The following GNB5 variants were observed in gnomAD, a reference collection of about 807,000 sequenced individuals.
GNB5 encodes the protein G protein subunit beta 5.
Under a neutral mutation model 55.3 loss-of-function variants are expected in GNB5, and 37 were observed. That is an observed-to-expected ratio of 0.67 (90% CI 0.51 to 0.88). GNB5 has a LOEUF of 0.88. Among genes scored for constraint, GNB5 ranks in the 40% least tolerant of loss-of-function variants. The pLI is 0.00. For synonymous variants in GNB5, 219 were observed against 198.5 expected (o/e 1.10, Z -0.87); for missense variants, 476 against 515.3 (o/e 0.92, Z 0.74).
intron 3 of GNB5, among the ~76,000 whole-genome samples, chr15:52,176,955 G>GCCTC (rs1856903365): frequency 6.6e-6 from 1 of 150,636 alleles, no homozygotes; most frequent in Non-Finnish European, 1.5e-5. Flanking sequence ...AGACACACCT[G>GCCTC]CCTCCTCACT....
chr15:52,123,940 C>T (rs1892393350), intron 12 of GNB5, among the ~76,000 whole-genome samples: 1 of 138,778 alleles, frequency 7.2e-6, no homozygotes, highest in South Asian at 2.3e-4. Context: ...GGACAAAAGG[C>T]ATACACCCCA....
At position 52,168,255 on chromosome 15, in the gene GNB5, C is replaced by T. The variant is rs902074606; in HGVS notation, c.238+11513G>A. 1.6e-4 allele frequency among the ~76,000 whole-genome samples: 24 copies of T among 152,298 alleles called. No homozygotes were observed. In the East Asian group the frequency reaches 4.4e-3, roughly 28 times the overall value. On this transcript the variant is annotated intron_variant, in intron 3 of 12. Transcript: ENST00000261837. Reference sequence around the variant, plus strand: ...AGATCCTATATCTAGAAAACCCCATCGTCTAAGCCCAAAAGTTTCCTAAGC... The same window carrying T: ...AGATCCTATATCTAGAAAACCCCATTGTCTAAGCCCAAAAGTTTCCTAAGC...
Position 52,122,663 on chromosome 15 carries a change from T to G in GNB5, c.*94A>C. The G allele has an allele frequency of 4.9e-6, 5 of 1,011,886 alleles. No homozygotes were observed. The highest frequency in any genetic ancestry group is 7.9e-6 in the Non-Finnish European group (5 of 634,898). The allele number at this position is 1,011,886 out of a possible 1,614,324, so 62.7% of individuals were successfully genotyped here. On this transcript the variant is annotated 3_prime_UTR_variant, in exon 13 of 13. Coordinates refer to ENST00000261837, the MANE Select transcript of GNB5 (RefSeq NM_016194.4). ...CATGGGTTGCTCCCCTAAGCTACAC[T>G]GCAATAAACTCTAAGCTCCTCTAGA...
rs16953085 is a variant in GNB5 at position 52,122,834 on chromosome 15, A to C, written c.1177-66T>G. 7.8e-3 allele frequency: 9,759 copies of C among 1,254,544 alleles called. 539 individuals are homozygous for C. The African/African-American group carries it at 0.12, about 15-fold the overall frequency. The allele number at this position is 1,254,544 out of a possible 1,614,324, so 77.7% of individuals were successfully genotyped here. On this transcript the variant is annotated intron_variant, in intron 12 of 12. Transcript: ENST00000261837. ...TAACAACTTATAAAACTTGAGCTTA[A>C]AGAGATAAAATTAGTCTATTCACAC...
intron 9 of GNB5, among the ~76,000 whole-genome samples, chr15:52,132,719 C>T (rs78851605): frequency 0.027 from 4,098 of 150,672 alleles, 95 homozygotes; most frequent in East Asian, 0.14. Context: ...GCAATCTGCC[C>T]GCCTCAGCTT....
intron 3 of GNB5, among the ~76,000 whole-genome samples, chr15:52,164,805 C>T (rs2034417412): frequency 6.6e-6 from 1 of 151,982 alleles, no homozygotes. Context: ...AGTGCCTCTT[C>T]TCCACGTGAT....
chr15:52,164,393 C>T (rs923902494), intron 3 of GNB5, among the ~76,000 whole-genome samples: 44 of 146,180 alleles, frequency 3.0e-4, no homozygotes, highest in African/African-American at 1.0e-3. Context: ...CCGAGGCGGG[C>T]GGATCACGAA....
At chr15:52,162,378 C>T (rs555122144) in intron 3 of GNB5, among the ~76,000 whole-genome samples, 1 of 152,250 alleles carries the variant, frequency 6.6e-6, no homozygotes, top group Admixed American at 6.5e-5. Context: ...CAGCTCAATA[C>T]ACAAGAATTC....
At chr15:52,139,808 C>T in intron 7 of GNB5, 1 of 1,247,738 alleles carries the variant, frequency 8.0e-7, no homozygotes, top group Non-Finnish European at 1.0e-6. Flanking sequence ...AAAGCACTTT[C>T]TCACCTACTG....
intron 3 of GNB5, among the ~76,000 whole-genome samples, chr15:52,154,610 C>A (rs944039125): frequency 2.0e-5 from 3 of 152,210 alleles, no homozygotes; most frequent in Admixed American, 6.5e-5. Context: ...ACTGTTCCAA[C>A]AGGACTATAA....
intron 8 of GNB5, among the ~76,000 whole-genome samples, chr15:52,135,141 A>G (rs2033671326): frequency 6.6e-6 from 1 of 151,828 alleles, no homozygotes; most frequent in Non-Finnish European, 1.5e-5. Flanking sequence ...TGGCAGGGGT[A>G]GGGTAGGAGA....
At chr15:52,175,184 C>G (rs983668368) in intron 3 of GNB5, among the ~76,000 whole-genome samples, 3 of 150,116 alleles carry the variant, frequency 2.0e-5, no homozygotes, top group Non-Finnish European at 4.4e-5. Flanking sequence ...GCAGAGGCTA[C>G]TGGGCCACCT....
At chr15:52,164,419 C>T (rs950213242) in intron 3 of GNB5, among the ~76,000 whole-genome samples, 3 of 150,598 alleles carry the variant, frequency 2.0e-5, no homozygotes, top group Non-Finnish European at 4.4e-5. Flanking sequence ...GAGATCGAGA[C>T]ATTCTTGGCT....
At chr15:52,122,820 A>G in intron 12 of GNB5, 52 bp from the exon 13 acceptor site, 1 of 1,447,914 alleles carries the variant, frequency 6.9e-7, no homozygotes, top group East Asian at 2.3e-5. Flanking sequence ...AACAACTTAT[A>G]AAACTTGAGC....
chr15:52,175,067 T>A (rs902392290), intron 3 of GNB5, among the ~76,000 whole-genome samples: 3 of 152,030 alleles, frequency 2.0e-5, no homozygotes, highest in Non-Finnish European at 2.9e-5. Flanking sequence ...AGCAAGACTC[T>A]GTCTCAAAAA....
chr15:52,157,250 CTTTT>C (rs74508387), intron 3 of GNB5, among the ~76,000 whole-genome samples: 1 of 111,110 alleles, frequency 9.0e-6, no homozygotes, highest in Non-Finnish European at 1.9e-5. Flanking sequence ...TCTTATAGGC[CTTTT>C]TTTTTTTTTT....
chr15:52,185,750 C>CTTTTT (rs200299592), intron 1 of GNB5, among the ~76,000 whole-genome samples: 1 of 123,690 alleles, frequency 8.1e-6, no homozygotes, highest in African/African-American at 3.1e-5. Flanking sequence ...GTGTATTCAT[C>CTTTTT]TTTTTATTAT....
At chr15:52,157,251 T>TC (rs1353663035) in intron 3 of GNB5, among the ~76,000 whole-genome samples, 1 of 98,156 alleles carries the variant, frequency 1.0e-5, no homozygotes, top group East Asian at 3.5e-4. Context: ...CTTATAGGCC[T>TC]TTTTTTTTTT....
At chr15:52,186,623 G>A (rs1327239760) in intron 1 of GNB5, among the ~76,000 whole-genome samples, 2 of 152,176 alleles carry the variant, frequency 1.3e-5, no homozygotes, top group Admixed American at 6.5e-5. Context: ...TGTCAATTTG[G>A]TAGGTGTTCT....
Sources: gnomAD v4.1 joint callset for allele counts (sites outside exome capture counted in the v4.1 genomes callset) on GRCh38, gnomAD v4.1.1 for gene constraint, MANE v1.5 for transcripts, NCBI Gene and HGNC (gene_info 2026-07-23, HGNC 2026-07-21) for gene names.